Variants in KHDRBS2 observed in about 807,000 individuals in gnomAD.
KHDRBS2 encodes the protein KH domain-containing, RNA-binding, signal transduction-associated protein 2.
KHDRBS2 carries 26 observed loss-of-function variants against 44.3 expected under a neutral mutation model. The observed-to-expected ratio is 0.59, with a 90% CI of 0.43 to 0.81. The LOEUF (loss-of-function observed/expected upper bound fraction) is 0.81. Ranked by LOEUF, KHDRBS2 falls within the 40% of genes least tolerant of loss-of-function variation. The pLI is 0.00. For synonymous variants in KHDRBS2, 194 were observed against 151.1 expected (o/e 1.28, Z -2.08); for missense variants, 476 against 433.1 (o/e 1.10, Z -0.88).
intron 6 of KHDRBS2, among the ~76,000 whole-genome samples, chr6:61,811,729 A>T (rs1189696739): frequency 6.6e-6 from 1 of 151,904 alleles, no homozygotes; most frequent in Admixed American, 6.6e-5. Context: ...GATTTTTTTT[A>T]TTCCCAAGAT....
chr6:61,612,977 C>A, the KHDRBS2 span, among the ~76,000 whole-genome samples: 2 of 150,626 alleles, frequency 1.3e-5, no homozygotes, highest in Non-Finnish European at 3.0e-5. Flanking sequence ...CTCAGCCTCC[C>A]GAGTAGCTGG....
chr6:61,629,508 C>CACTT, the KHDRBS2 span, among the ~76,000 whole-genome samples: 160 of 152,258 alleles, frequency 1.1e-3, no homozygotes, highest in African/African-American at 3.7e-3. Flanking sequence ...ATTCAGCATT[C>CACTT]ACTTAATAGA....
intron 2 of KHDRBS2, among the ~76,000 whole-genome samples, chr6:62,104,584 T>C (rs921217322): frequency 3.3e-5 from 5 of 151,266 alleles, no homozygotes; most frequent in African/African-American, 1.2e-4. Context: ...GAAATAAAAA[T>C]GTATTCTAAA....
rs562235083 is a variant in KHDRBS2 at position 62,279,825 on chromosome 6, G to A, written c.91+6033C>T. On this transcript the variant is annotated intron_variant, in intron 1 of 8. Transcript: ENST00000281156. ...AGAAGAGCAAGTGTTATTCACATGC[G>A]GAAGAGGTAGCAGAGGGGCCAACAG... 5.3e-5 allele frequency among the ~76,000 whole-genome samples: 8 copies of A among 152,292 alleles called. No homozygotes were observed. The East Asian group carries it at 9.7e-4, about 18-fold the overall frequency.
chr6:62,070,719 T>A (rs1431116007), intron 2 of KHDRBS2, among the ~76,000 whole-genome samples: 2 of 152,314 alleles, frequency 1.3e-5, no homozygotes, highest in Middle Eastern at 3.4e-3. Flanking sequence ...TGTGCCACAT[T>A]TTCTTAATCC....
At chr6:61,628,241 T>TC in the KHDRBS2 span, among the ~76,000 whole-genome samples, 1 of 13,354 alleles carries the variant, frequency 7.5e-5, no homozygotes, top group Admixed American at 7.5e-4. Context: ...TTTTTTTTTT[T>TC]CAACCTGGGC....
At chr6:61,867,745 C>T (rs569466392) in intron 6 of KHDRBS2, among the ~76,000 whole-genome samples, 80 of 152,218 alleles carry the variant, frequency 5.3e-4, no homozygotes, top group Admixed American at 5.9e-4. Context: ...CCTTAGTCAC[C>T]GCAGCTTTTC....
the KHDRBS2 span, among the ~76,000 whole-genome samples, chr6:61,592,464 G>A: frequency 1.3e-5 from 2 of 152,116 alleles, no homozygotes; most frequent in East Asian, 1.9e-4. Flanking sequence ...AGAAAGAATA[G>A]ATGGAAGCCT....
chr6:61,712,451 A>T (rs1056035421), intron 7 of KHDRBS2, among the ~76,000 whole-genome samples: 5 of 151,872 alleles, frequency 3.3e-5, no homozygotes, highest in Non-Finnish European at 7.4e-5. Flanking sequence ...GCAAATGGAG[A>T]TTACAAGGAG....
chr6:61,691,430 G>A (rs556070097), intron 8 of KHDRBS2, among the ~76,000 whole-genome samples: 16 of 152,136 alleles, frequency 1.1e-4, no homozygotes, highest in African/African-American at 2.9e-4. Flanking sequence ...AAATACTTTA[G>A]AAGCATTATT....
At chr6:61,625,061 G>A in the KHDRBS2 span, among the ~76,000 whole-genome samples, 1 of 152,070 alleles carries the variant, frequency 6.6e-6, no homozygotes, top group Non-Finnish European at 1.5e-5. Context: ...ACCGTAAGGG[G>A]AGAGAGGTAT....
intron 6 of KHDRBS2, among the ~76,000 whole-genome samples, chr6:61,820,895 C>T (rs1180523860): frequency 1.3e-5 from 2 of 151,978 alleles, no homozygotes; most frequent in African/African-American, 2.4e-5. Context: ...AATCAATGTG[C>T]TACCTGGATA....
Position 61,945,141 on chromosome 6 carries a change from A to G in KHDRBS2, c.483+32925T>C, listed in dbSNP as rs1416344209. Reference sequence around the variant, plus strand: ...TATATATATATATATATATATATATATATATATATACACACAGACTTGTCT... The same window carrying G: ...TATATATATATATATATATATATATGTATATATATACACACAGACTTGTCT... On this transcript the variant is annotated intron_variant, in intron 4 of 8. Transcript: ENST00000281156. Among the ~76,000 whole-genome samples, 3 of 111,270 alleles carry G rather than the reference A, an allele frequency of 2.7e-5. 1 individual carries two copies. Among genetic ancestry groups the G allele is most frequent in the African/African-American group, 9.9e-5 (3 of 30,382 alleles). The allele number at this position is 111,270 out of a possible 152,430, so 73.0% of individuals were successfully genotyped here.
At chr6:61,711,920 G>T (rs149804891) in intron 7 of KHDRBS2, among the ~76,000 whole-genome samples, 3,390 of 151,904 alleles carry the variant, frequency 0.022, 66 homozygotes, top group South Asian at 0.091. Context: ...ACAACAATAA[G>T]AAATTACTTA....
intron 7 of KHDRBS2, among the ~76,000 whole-genome samples, chr6:61,727,505 T>C (rs991629486): frequency 2.6e-5 from 4 of 152,060 alleles, no homozygotes; most frequent in African/African-American, 9.7e-5. Flanking sequence ...AGAAAAATTC[T>C]ACAGAATGGA....
intron 6 of KHDRBS2, among the ~76,000 whole-genome samples, chr6:61,763,965 T>C (rs1255859322): frequency 1.3e-5 from 2 of 152,180 alleles, no homozygotes; most frequent in African/African-American, 4.8e-5. Flanking sequence ...CTGTTTATCC[T>C]GATGCTTTCC....
intron 1 of KHDRBS2, among the ~76,000 whole-genome samples, chr6:62,205,918 A>G (rs1827882581): frequency 1.3e-5 from 2 of 152,176 alleles, no homozygotes; most frequent in Non-Finnish European, 2.9e-5. Flanking sequence ...GAACTTGAGC[A>G]TCCAAGAAGT....
rs565804224 is a variant in KHDRBS2, at chr6:61,744,057, C to T, written c.811-11293G>A. The stretch of plus-strand genomic sequence containing the variant: ...TTGGACATTTAGGTTGGATCCAAGT[C>T]TCTGCTATTGTGAATAGTGCCGCTA... On this transcript the variant is annotated intron_variant, in intron 6 of 8. Transcript: ENST00000281156. Among the ~76,000 whole-genome samples, 12 of 152,086 alleles carry T rather than the reference C, an allele frequency of 7.9e-5. No homozygotes were observed. In the East Asian group the frequency reaches 2.3e-3, roughly 29 times the overall value.
At chr6:61,861,522 G>T (rs1004137309) in intron 6 of KHDRBS2, among the ~76,000 whole-genome samples, 1 of 152,100 alleles carries the variant, frequency 6.6e-6, no homozygotes, top group African/African-American at 2.4e-5. Flanking sequence ...TATAATGGTT[G>T]TAGATGTACA....
Sources: gnomAD v4.1 joint callset for allele counts (sites outside exome capture counted in the v4.1 genomes callset) on GRCh38, gnomAD v4.1.1 for gene constraint, MANE v1.5 for transcripts, NCBI Gene and HGNC (gene_info 2026-07-23, HGNC 2026-07-21) for gene names.